Variants in TTYH3 observed in about 807,000 individuals in gnomAD.
The protein encoded by TTYH3 is tweety family member 3, also known as protein tweety homolog 3.
A neutral mutation model predicts 68.2 loss-of-function variants in TTYH3; 23 were observed. That is an observed-to-expected ratio of 0.34 (90% CI 0.24 to 0.48). The LOEUF is 0.48. Ranked by LOEUF, TTYH3 falls within the 20% of genes least tolerant of loss-of-function variation. TTYH3 has a pLI of 0.99. For missense variants in TTYH3, 768 were observed against 727.7 expected (o/e 1.06, Z -0.64); for synonymous variants, 360 against 332.8 (o/e 1.08, Z -0.89).
chr7:2,638,575 G>A lies in TTYH3; in HGVS notation c.123+6297G>A, dbSNP rs144806602. The stretch of plus-strand genomic sequence containing the variant: ...TGTGCAGCCTGGCGACCTGGACCTC[G>A]GACCTCAGGAGTTGGGGACAGGGAC... On this transcript the variant is annotated intron_variant, in intron 1 of 13. Transcript: ENST00000258796. Among the ~76,000 whole-genome samples, 383 of 152,254 alleles carry A rather than the reference G, an allele frequency of 2.5e-3. 1 individual carries two copies. Among genetic ancestry groups the A allele is most frequent in the African/African-American group, 8.6e-3 (357 of 41,546 alleles).
At position 2,664,668 on chromosome 7, in the gene TTYH3, A is replaced by C. The variant is rs1786573826; in HGVS notation, c.*2929A>C. 1 of 150,710 alleles carries C rather than the reference A, an allele frequency of 6.6e-6. No homozygotes were observed. Among genetic ancestry groups the C allele is most frequent in the Admixed American group, 6.6e-5 (1 of 15,154 alleles). 9.3% of individuals were successfully genotyped at this position (150,710 alleles called of 1,614,324 possible). A position where few individuals can be genotyped will look rare whatever the true frequency, so the allele number is the denominator to read the frequency against. ...TCGCTGTGTTTTTTTGTTTTTTTAG[A>C]ACTGGGTTTGGGGGCTGATTTTTAT... On this transcript the variant is annotated 3_prime_UTR_variant, in exon 14 of 14. Coordinates refer to ENST00000258796, the MANE Select transcript of TTYH3 (RefSeq NM_025250.3).
At position 2,652,256 on chromosome 7, in the gene TTYH3, A is replaced by G. The variant is rs761387244; in HGVS notation, c.927+14A>G. 1.1e-5 allele frequency: 18 copies of G among 1,610,214 alleles called. No individual in the cohort carries two copies. The highest frequency in any genetic ancestry group is 3.4e-4 in the Middle Eastern group (2 of 5,842). On this transcript the variant is annotated intron_variant, in intron 8 of 13. Transcript: ENST00000258796. ...CCCTTCCAGCAGGTGAGAGCCTGGG[A>G]GGCCGGGACTGGGCTTCAGGAGAGT...
intron 5 of TTYH3, chr7:2,648,423 G>A (rs1180167238): frequency 2.3e-5 from 5 of 219,796 alleles, no homozygotes; most frequent in South Asian, 1.3e-4. Context: ...GGCAGCCTGG[G>A]TTCCAGCCCC....
At chr7:2,649,104 G>C (rs1205406008) in intron 5 of TTYH3, among the ~76,000 whole-genome samples, 2 of 152,086 alleles carry the variant, frequency 1.3e-5, no homozygotes, top group Non-Finnish European at 2.9e-5. Flanking sequence ...TGTGGGTGAG[G>C]TGAGGCCTCA....
At chr7:2,659,455 C>T (rs1023191230) in intron 13 of TTYH3, among the ~76,000 whole-genome samples, 2 of 152,228 alleles carry the variant, frequency 1.3e-5, no homozygotes, top group Non-Finnish European at 2.9e-5. Flanking sequence ...GGGGTGCCAC[C>T]GCTCCAGTTC....
At chr7:2,638,209 C>T (rs1364706240) in intron 1 of TTYH3, among the ~76,000 whole-genome samples, 9 of 152,138 alleles carry the variant, frequency 5.9e-5, no homozygotes, top group Admixed American at 1.3e-4. Context: ...GCCTGGGGCC[C>T]GGTCCCCAGG....
intron 9 of TTYH3, among the ~76,000 whole-genome samples, chr7:2,654,478 TACACAC>T: frequency 6.6e-6 from 1 of 151,712 alleles, no homozygotes; most frequent in Non-Finnish European, 1.5e-5. Context: ...ATAAAAATTA[TACACAC>T]ACACACACAA....
At chr7:2,640,879 C>T (rs946719693) in intron 1 of TTYH3, among the ~76,000 whole-genome samples, 2 of 152,356 alleles carry the variant, frequency 1.3e-5, no homozygotes, top group South Asian at 2.1e-4. Flanking sequence ...TGCAGGCAGC[C>T]AGGTCAGGTT....
At position 2,645,865 on chromosome 7, in the gene TTYH3, G is replaced by A. The variant is rs929382619; in HGVS notation, c.124-988G>A. On this transcript the variant is annotated intron_variant, in intron 1 of 13. Coordinates refer to ENST00000258796, the MANE Select transcript of TTYH3 (RefSeq NM_025250.3). This position sits in a 1 kb window ranked among gnomAD's most constrained non-coding sequence, Gnocchi z 4.8. ...AAAACCTCAGGACTACAGCTGGGGT[G>A]GGGGATCCTGCCAGGACTCAGGTAG... The A allele has an allele frequency of 1.9e-5, 9 of 470,670 alleles. No individual in the cohort carries two copies. The highest frequency in any genetic ancestry group is 1.6e-4 in the African/African-American group (8 of 50,064). The allele number at this position is 470,670 out of a possible 1,614,324, so 29.2% of individuals were successfully genotyped here.
intron 1 of TTYH3, among the ~76,000 whole-genome samples, chr7:2,643,735 G>C (rs1785912757): frequency 6.6e-6 from 1 of 152,216 alleles, no homozygotes; most frequent in African/African-American, 2.4e-5. Context: ...AAGTGATCTG[G>C]ACCTGGAAGC....
chr7:2,639,434 G>A (rs1785769495), intron 1 of TTYH3, among the ~76,000 whole-genome samples: 1 of 152,210 alleles, frequency 6.6e-6, no homozygotes, highest in Non-Finnish European at 1.5e-5. Context: ...TTCAGTGACC[G>A]CCTCATTCCT....
intron 1 of TTYH3, among the ~76,000 whole-genome samples, chr7:2,640,002 T>A (rs1181836949): frequency 8.8e-3 from 1 of 114 alleles, no homozygotes; most frequent in Non-Finnish European, 0.025. Flanking sequence ...CTGCCTGGCC[T>A]GCCAGCTCAC....
At chr7:2,652,808 G>A (rs961149858) in intron 8 of TTYH3, 110 bp from the exon 9 acceptor site, 6 of 839,896 alleles carry the variant, frequency 7.1e-6, no homozygotes, top group Non-Finnish European at 1.1e-5. Flanking sequence ...GAGCCTTGAT[G>A]GTCTCCCAGG....
At chr7:2,643,341 C>T (rs1251838794) in intron 1 of TTYH3, among the ~76,000 whole-genome samples, 85 of 137,348 alleles carry the variant, frequency 6.2e-4, no homozygotes, top group African/African-American at 2.2e-3. Context: ...GGCGACAGAG[C>T]GAGACTCTGT....
chr7:2,652,246 A>G lies in TTYH3; in HGVS notation c.927+4A>G. The G allele has an allele frequency of 6.2e-7, 1 of 1,611,590 alleles. No homozygotes were observed. The highest frequency in any genetic ancestry group is 8.5e-7 in the Non-Finnish European group (1 of 1,179,858). On this transcript the variant is annotated splice_donor_region_variant and intron_variant, in intron 8 of 13. Coordinates refer to ENST00000258796, the MANE Select transcript of TTYH3 (RefSeq NM_025250.3). ...CGCCGCCAACCCCTTCCAGCAGGTG[A>G]GAGCCTGGGAGGCCGGGACTGGGCT...
intron 1 of TTYH3, among the ~76,000 whole-genome samples, chr7:2,646,443 T>C (rs1785983077): frequency 6.6e-6 from 1 of 152,242 alleles, no homozygotes. Context: ...ATTCTCTGGC[T>C]ACCTCCATCC....
At chr7:2,647,082 G>A in intron 2 of TTYH3, 60 bp downstream of exon 2, 2 of 1,535,428 alleles carry the variant, frequency 1.3e-6, no homozygotes, top group Admixed American at 2.0e-5. Context: ...GAGGGGGCGG[G>A]GCTGGAGTGG....
In TTYH3 at chr7:2,647,488, C is replaced by T. The variant is rs1345080074; in HGVS notation, c.476C>T (p.Ala159Val). Reference sequence around the variant, plus strand: ...CTGCAGACCCTGGAGCGGCAGCTGGCCGGGCGGCCCGAGCCCCTGCGAGCC... The same window carrying T: ...CTGCAGACCCTGGAGCGGCAGCTGGTCGGGCGGCCCGAGCCCCTGCGAGCC... ...PSLQTLERQLAGRPEPLRAVQ... is the reference protein window; with the variant it reads ...PSLQTLERQLVGRPEPLRAVQ... Residue 159 changes from alanine to valine, a missense_variant, in exon 4 of 14, where the codon GCC becomes GTC. Physicochemically the swap from Ala to Val is moderately conservative, Grantham distance 64. Transcript: ENST00000258796. 1.3e-5 allele frequency: 20 copies of T among 1,536,260 alleles called. No individual in the cohort carries two copies. Among genetic ancestry groups the T allele is most frequent in the East Asian group, 2.5e-5 (1 of 40,740 alleles).
At chr7:2,644,044 C>G (rs1052561591) in intron 1 of TTYH3, among the ~76,000 whole-genome samples, 2 of 152,168 alleles carry the variant, frequency 1.3e-5, no homozygotes, top group Non-Finnish European at 2.9e-5. Context: ...GGAGGGCTCG[C>G]TGGAGGAGTC....
Sources: gnomAD v4.1 joint callset for allele counts (sites outside exome capture counted in the v4.1 genomes callset) on GRCh38, gnomAD v4.1.1 for gene constraint, Gnocchi (gnomAD v3.1) non-coding constraint, MANE v1.5 for transcripts, NCBI Gene and HGNC (gene_info 2026-07-23, HGNC 2026-07-21) for gene names.